IPO11: variants seen among roughly 807,000 people sequenced by gnomAD.
IPO11 encodes the protein importin 11.
IPO11 carries 66 observed loss-of-function variants against 143.2 expected under a neutral mutation model. The observed-to-expected ratio is 0.46, with a 90% CI of 0.38 to 0.57. The LOEUF (loss-of-function observed/expected upper bound fraction) is 0.57, where lower values mean the gene tolerates loss of function less well. Ranked by LOEUF, IPO11 falls within the 20% of genes least tolerant of loss-of-function variation. The pLI, the probability that IPO11 is intolerant of heterozygous loss-of-function variation, is 0.00. For missense variants in IPO11, 1,026 were observed against 1,141.0 expected, an observed-to-expected ratio of 0.90 and a Z score of 1.45; for synonymous variants, 385 against 377.8, an observed-to-expected ratio of 1.02 and a Z score of -0.22.
At chr5:62,525,791 G>A (rs1435469864) in intron 20 of IPO11, among the ~76,000 whole-genome samples, 1 of 152,086 alleles carries the variant, frequency 6.6e-6, no homozygotes, top group African/African-American at 2.4e-5. Context: ...AATTATTTAG[G>A]TGAAAGCATC....
rs577664962 is a variant in IPO11 at position 62,545,375 on chromosome 5, C to T, written c.2251-4992C>T. On this transcript the variant is annotated intron_variant, in intron 24 of 29. Transcript: ENST00000325324. ...AGGATTCCGTATTTAATAAATGGTG[C>T]TGGGAAAACTGGCTAGCCATATGTA... Among the ~76,000 whole-genome samples the T allele has an allele frequency of 4.4e-3, 663 of 152,216 alleles. 8 individuals carry two copies. The South Asian group carries it at 0.045, about 10-fold the overall frequency.
intron 1 of IPO11, among the ~76,000 whole-genome samples, chr5:62,436,922 C>G (rs567846507): frequency 6.6e-6 from 1 of 152,230 alleles, no homozygotes; most frequent in South Asian, 2.1e-4. Flanking sequence ...CTTTTTAAAA[C>G]GAAGACAGAA....
intron 21 of IPO11, among the ~76,000 whole-genome samples, chr5:62,529,685 G>C (rs184892418): frequency 8.6e-4 from 131 of 152,264 alleles, no homozygotes; most frequent in Non-Finnish European, 8.2e-4. Flanking sequence ...GGGGCCAGGG[G>C]TTCTTTACAG....
intron 5 of IPO11, among the ~76,000 whole-genome samples, chr5:62,465,346 C>T (rs892743823): frequency 6.6e-6 from 1 of 151,968 alleles, no homozygotes; most frequent in Non-Finnish European, 1.5e-5. Context: ...TTTTATTTTC[C>T]AAAAGGACTT....
intron 5 of IPO11, among the ~76,000 whole-genome samples, chr5:62,459,230 C>T (rs976978725): frequency 6.6e-6 from 1 of 152,086 alleles, no homozygotes; most frequent in Non-Finnish European, 1.5e-5. Flanking sequence ...AGATGGGCCA[C>T]AGTGTCCCTC....
intron 21 of IPO11, 64 bp from the exon 22 acceptor site, chr5:62,530,645 A>T: frequency 1.1e-6 from 1 of 932,220 alleles, no homozygotes; most frequent in Non-Finnish European, 1.7e-6. Context: ...AAAATATTTA[A>T]GTCATATGTT....
intron 27 of IPO11, among the ~76,000 whole-genome samples, chr5:62,565,792 C>T (rs576319690): frequency 3.8e-4 from 57 of 151,968 alleles, no homozygotes; most frequent in African/African-American, 1.1e-3. Flanking sequence ...CCCTACCCCC[C>T]CAACTGGCCC....
intron 28 of IPO11, among the ~76,000 whole-genome samples, chr5:62,600,838 G>A (rs1013529936): frequency 4.6e-5 from 7 of 152,214 alleles, no homozygotes; most frequent in African/African-American, 1.7e-4. Context: ...ATCAGAGGCA[G>A]TCACTCCAAA....
At chr5:62,620,360 A>G (rs1746304290) in intron 29 of IPO11, among the ~76,000 whole-genome samples, 1 of 152,092 alleles carries the variant, frequency 6.6e-6, no homozygotes, top group Non-Finnish European at 1.5e-5. Flanking sequence ...TCTCCTAAAA[A>G]TACAAAAAGT....
intron 27 of IPO11, among the ~76,000 whole-genome samples, chr5:62,561,699 G>A (rs1275342259): frequency 6.6e-6 from 1 of 152,086 alleles, no homozygotes; most frequent in South Asian, 2.1e-4. Context: ...AAGGACGTTT[G>A]CAAGTTGTTT....
At chr5:62,432,053 C>T (rs969061406) in intron 1 of IPO11, among the ~76,000 whole-genome samples, 1 of 152,158 alleles carries the variant, frequency 6.6e-6, no homozygotes, top group Non-Finnish European at 1.5e-5. Context: ...CTTCACTCAG[C>T]CCGAAAAAAC....
chr5:62,525,308 A>G (rs550806708), intron 20 of IPO11, among the ~76,000 whole-genome samples: 1 of 151,940 alleles, frequency 6.6e-6, no homozygotes, highest in Non-Finnish European at 1.5e-5. Flanking sequence ...GCACCTTTTA[A>G]AAAGAATTTG....
intron 22 of IPO11, among the ~76,000 whole-genome samples, chr5:62,535,334 A>G (rs986477019): frequency 2.6e-5 from 4 of 152,106 alleles, no homozygotes; most frequent in Non-Finnish European, 4.4e-5. Context: ...TCTCTTAAAT[A>G]TAGACCCTTG....
At chr5:62,449,046 A>G (rs941718548) in intron 3 of IPO11, among the ~76,000 whole-genome samples, 3 of 152,086 alleles carry the variant, frequency 2.0e-5, no homozygotes, top group African/African-American at 7.2e-5. Flanking sequence ...TTAAAAAAAT[A>G]TTTAAGAGAC....
At chr5:62,489,486 C>G in intron 14 of IPO11, 137 bp downstream of exon 14, 1 of 552,102 alleles carries the variant, frequency 1.8e-6, no homozygotes. Flanking sequence ...GGGGAGATAA[C>G]CAAGTAAACA....
At chr5:62,439,750 G>A (rs2112136601) in intron 2 of IPO11, among the ~76,000 whole-genome samples, 1 of 152,144 alleles carries the variant, frequency 6.6e-6, no homozygotes, top group African/African-American at 2.4e-5. Context: ...AGATGGAACA[G>A]ATTATATTTA....
intron 27 of IPO11, among the ~76,000 whole-genome samples, chr5:62,566,747 A>T (rs1005990919): frequency 6.6e-6 from 1 of 152,226 alleles, no homozygotes; most frequent in East Asian, 1.9e-4. Flanking sequence ...CAAAAAAAAA[A>T]AAAAAAGGTT....
intron 13 of IPO11, among the ~76,000 whole-genome samples, chr5:62,488,976 C>A (rs27449): frequency 6.6e-6 from 1 of 151,960 alleles, no homozygotes; most frequent in South Asian, 2.1e-4. Context: ...CCACTGTACT[C>A]CAGCCTGGGT....
intron 7 of IPO11, 60 bp from the exon 8 acceptor site, chr5:62,474,356 G>T (rs1745884045): frequency 9.6e-7 from 1 of 1,043,646 alleles, no homozygotes. Flanking sequence ...CCCTGAAAAA[G>T]ATACAAGGTA....
Sources: allele counts gnomAD v4.1 joint callset (sites outside exome capture counted in the v4.1 genomes callset), GRCh38; gene constraint gnomAD v4.1.1; transcripts MANE v1.5; gene names NCBI Gene and HGNC (gene_info 2026-07-23, HGNC 2026-07-21).